SLC27A4: variants seen among roughly 807,000 people sequenced by gnomAD.
SLC27A4 encodes the protein long-chain fatty acid transport protein 4.
SLC27A4 carries 33 observed loss-of-function variants against 64.4 expected under a neutral mutation model. The observed-to-expected ratio is 0.51, with a 90% confidence interval of 0.39 to 0.68. SLC27A4 has a LOEUF of 0.68. SLC27A4 is among the 30% of genes least tolerant of loss of function. The probability of loss-of-function intolerance (pLI) is 0.00; values close to 1 mark genes in which losing one functional copy is unlikely to be tolerated. For synonymous variants in SLC27A4, 377 were observed against 370.0 expected (o/e 1.02, Z -0.22); for missense variants, 824 against 883.5 (o/e 0.93, Z 0.85).
intron 7 of SLC27A4, 102 bp downstream of exon 7, chr9:128,352,849 C>T (rs1404467236): frequency 1.8e-6 from 2 of 1,099,808 alleles, no homozygotes; most frequent in Non-Finnish European, 2.7e-6. Flanking sequence ...GCCAGTCATT[C>T]CAAAGGGCTC....
rs1832763629 is a variant in SLC27A4 at position 128,353,202 on chromosome 9, T to C, written c.1165T>C (p.Cys389Arg). ...QVAEFYGATE[C>R]NCSLGNFDSQ... ...GGCTGAGTTCTACGGGGCCACAGAG[T>C]GCAACTGTAGCCTGGGCAACTTCGA... The change falls in exon 8 of 13, where the codon TGC (cysteine) becomes CGC (arginine). Residue 389 changes from cysteine (C) to arginine (R), a missense_variant. Physicochemically the swap from Cys to Arg is radical, Grantham distance 180. Transcript: ENST00000300456. This position sits in a 1 kb window ranked among gnomAD's most constrained non-coding sequence, Gnocchi z 4.9. 1 of 1,613,820 alleles carries C rather than the reference T, an allele frequency of 6.2e-7. No individual in the cohort carries two copies. The highest frequency in any genetic ancestry group is 8.5e-7 in the Non-Finnish European group (1 of 1,180,020).
chr9:128,342,559 G>T (rs1322082976), intron 1 of SLC27A4: 8 of 635,404 alleles, frequency 1.3e-5, no homozygotes, highest in Non-Finnish European at 2.2e-5. Context: ...TATCTGGCTG[G>T]CAGGGAAGGA....
chr9:128,360,380 C>G lies in SLC27A4; in HGVS notation c.1821C>G (p.Asp607Glu). 6.2e-7 allele frequency: 1 copy of G among 1,614,178 alleles called. No individual in the cohort carries two copies. The highest frequency in any genetic ancestry group is 8.5e-7 in the Non-Finnish European group (1 of 1,180,046). ...QKTELRKEGF[D>E]PAIVKDPLFY... Reference sequence around the variant, plus strand: ...CAGAGCTACGGAAGGAGGGCTTTGACCCGGCTATTGTGAAAGACCCGCTGT... The same window carrying G: ...CAGAGCTACGGAAGGAGGGCTTTGAGCCGGCTATTGTGAAAGACCCGCTGT... The change falls in exon 13 of 13, where the codon GAC (aspartate) becomes GAG (glutamate). Residue 607 changes from aspartate (D) to glutamate (E), a missense_variant. Coordinates refer to ENST00000300456, the MANE Select transcript of SLC27A4 (RefSeq NM_005094.4).
chr9:128,350,064 G>A (rs975550105), intron 4 of SLC27A4, among the ~76,000 whole-genome samples: 3 of 152,344 alleles, frequency 2.0e-5, no homozygotes, highest in Non-Finnish European at 2.9e-5. Context: ...GGCCAGGCCC[G>A]TGCCCATCTT....
At position 128,353,301 on chromosome 9, in the gene SLC27A4, G is replaced by A; in HGVS notation, c.1197+67G>A. On this transcript the variant is annotated intron_variant, in intron 8 of 12. Transcript: ENST00000300456. This position sits in a 1 kb window ranked among gnomAD's most constrained non-coding sequence, Gnocchi z 4.9. ...GCCCACAGAAGGCACTGGATGCAGAGGGGAGGGCAGAGTTCGAGCGTGAGA... is the reference window on the plus strand; with the variant it reads ...GCCCACAGAAGGCACTGGATGCAGAAGGGAGGGCAGAGTTCGAGCGTGAGA... 1 of 1,608,234 alleles carries A rather than the reference G, an allele frequency of 6.2e-7. No homozygotes were observed. The highest frequency in any genetic ancestry group is 8.5e-7 in the Non-Finnish European group (1 of 1,175,636).
Position 128,355,185 on chromosome 9 carries a change from T to G in SLC27A4, c.1457T>G (p.Leu486Arg). Residue 486 changes from leucine (L) to arginine (R), a missense_variant, in exon 10 of 13, where the codon CTT becomes CGT. Coordinates refer to ENST00000300456, the MANE Select transcript of SLC27A4 (RefSeq NM_005094.4). Reference sequence around the variant, plus strand: ...TTCAAGAAGGGGGACCAGGCCTACCTTACTGGTGGGTCCCCAGCCCTTCAC... The same window carrying G: ...TTCAAGAAGGGGGACCAGGCCTACCGTACTGGTGGGTCCCCAGCCCTTCAC... The part of the protein sequence containing the change: ...DVFKKGDQAY[L>R]TGDVLVMDEL... 4 of 1,613,550 alleles carry G rather than the reference T, an allele frequency of 2.5e-6. No individual in the cohort carries two copies. Among genetic ancestry groups the G allele is most frequent in the Non-Finnish European group, 3.4e-6 (4 of 1,179,812 alleles).
At chr9:128,342,685 A>G (rs1196616151) in intron 1 of SLC27A4, 1 of 266,884 alleles carries the variant, frequency 3.7e-6, no homozygotes, top group South Asian at 4.7e-5. Flanking sequence ...TCAGAGTGCC[A>G]TTTTTTTTTT....
At position 128,353,524 on chromosome 9, in the gene SLC27A4, G is replaced by T. The variant is rs752141064; in HGVS notation, c.1307G>T (p.Cys436Phe). The change falls in exon 9 of 13, where the codon TGC becomes TTC. Residue 436 changes from cysteine to phenylalanine, a missense_variant. Cys to Phe is a radical substitution (Grantham distance 205, BLOSUM62 -2). Transcript: ENST00000300456. The surrounding 1 kb of genome is among the most constrained non-coding windows in gnomAD (Gnocchi z 4.9). The part of the protein sequence containing the change: ...MELIRGPDGV[C>F]IPCQPGEPGQ... ...CTGATCCGGGGGCCCGACGGCGTCT[G>T]CATTCCCTGCCAGCCAGGTCTGCCA... is the stretch of plus-strand genomic sequence containing the variant. 2.5e-6 allele frequency: 4 copies of T among 1,614,034 alleles called. No homozygotes were observed. The South Asian group carries it at 4.4e-5, about 18-fold the overall frequency.
At chr9:128,341,739 C>CT (rs962246168) in intron 1 of SLC27A4, among the ~76,000 whole-genome samples, 9 of 151,782 alleles carry the variant, frequency 5.9e-5, no homozygotes, top group African/African-American at 1.7e-4. Flanking sequence ...GAGCCAGAGA[C>CT]TTTTTTTTTC....
chr9:128,347,568 A>T (rs544506992), intron 3 of SLC27A4, among the ~76,000 whole-genome samples: 8 of 151,956 alleles, frequency 5.3e-5, no homozygotes, highest in African/African-American at 1.9e-4. Flanking sequence ...TTTTACTAAA[A>T]ATACAAAAAT....
At chr9:128,349,873 T>C (rs1320985117) in intron 4 of SLC27A4, among the ~76,000 whole-genome samples, 1 of 152,214 alleles carries the variant, frequency 6.6e-6, no homozygotes, top group Non-Finnish European at 1.5e-5. Context: ...CTCTATGACT[T>C]GGGGCAGGTG....
chr9:128,360,252 C>G, intron 12 of SLC27A4, 82 bp from the exon 13 acceptor site: 1 of 1,501,894 alleles, frequency 6.7e-7, no homozygotes, highest in South Asian at 1.1e-5. Flanking sequence ...GCCCTGCTCC[C>G]TGCCTTCCTC....
chr9:128,345,043 G>T lies in SLC27A4; in HGVS notation c.162-112G>T. 7.7e-7 allele frequency: 1 copy of T among 1,295,390 alleles called. No homozygotes were observed. Among genetic ancestry groups the T allele is most frequent in the East Asian group, 2.4e-5 (1 of 41,926 alleles). 80.2% of individuals were successfully genotyped at this position (1,295,390 alleles called of 1,614,324 possible). A position where few individuals can be genotyped will look rare whatever the true frequency, so the allele number is the denominator to read the frequency against. On this transcript the variant is annotated intron_variant, in intron 2 of 12. Coordinates refer to ENST00000300456, the MANE Select transcript of SLC27A4 (RefSeq NM_005094.4). The surrounding 1 kb of genome is among the most constrained non-coding windows in gnomAD (Gnocchi z 4.1). ...GGAGCCAGGAGATAGAAGTGTTGTAGGGGGTCTGGCTCATGAAGCATAGGC... is the reference window on the plus strand; with the variant it reads ...GGAGCCAGGAGATAGAAGTGTTGTATGGGGTCTGGCTCATGAAGCATAGGC...
chr9:128,353,371 G>A lies in SLC27A4; in HGVS notation c.1198-44G>A, dbSNP rs1564402262. The A allele has an allele frequency of 6.2e-7, 1 of 1,614,062 alleles. No individual in the cohort carries two copies. The highest frequency in any genetic ancestry group is 8.5e-7 in the Non-Finnish European group (1 of 1,180,022). On this transcript the variant is annotated intron_variant, in intron 8 of 12. Coordinates refer to ENST00000300456, the MANE Select transcript of SLC27A4 (RefSeq NM_005094.4). The surrounding 1 kb of genome is among the most constrained non-coding windows in gnomAD (Gnocchi z 4.9). ...ACTTCCCCCTCATTGTCCAGTTTTG[G>A]GCCCATGGTGAGAGAGCCCAGGCCC...
rs200058177 is a variant in SLC27A4 at position 128,348,695 on chromosome 9, G to C, written c.707G>C (p.Gly236Ala). Residue 236 changes from glycine to alanine, a missense_variant, in exon 4 of 13, where the codon GGC becomes GCC. Coordinates refer to ENST00000300456, the MANE Select transcript of SLC27A4 (RefSeq NM_005094.4). ...CACCTTCCCAGTTGCCCTGACAAGG[G>C]CTTCACAGGTGGGCTCCATCCCCTC... ...PKHLPSCPDK[G>A]FTDKLFYIYT... 6.2e-7 allele frequency: 1 copy of C among 1,613,956 alleles called. No individual in the cohort carries two copies. Among genetic ancestry groups the C allele is most frequent in the East Asian group, 2.2e-5 (1 of 44,886 alleles).
At chr9:128,357,232 A>G (rs1168653514) in intron 12 of SLC27A4, among the ~76,000 whole-genome samples, 1 of 147,304 alleles carries the variant, frequency 6.8e-6, no homozygotes, top group South Asian at 2.2e-4. Flanking sequence ...ACTGCACTCC[A>G]GCCTGGGAGA....
At position 128,340,794 on chromosome 9, in the gene SLC27A4, C is replaced by T. The variant is rs1227734597; in HGVS notation, c.-51C>T. 3 of 687,376 alleles carry T rather than the reference C, an allele frequency of 4.4e-6. No homozygotes were observed. Among genetic ancestry groups the T allele is most frequent in the East Asian group, 2.9e-5 (1 of 34,418 alleles). The allele number at this position is 687,376 out of a possible 1,614,324, so 42.6% of individuals were successfully genotyped here. On this transcript the variant is annotated 5_prime_UTR_variant, in exon 1 of 13. Coordinates refer to ENST00000300456, the MANE Select transcript of SLC27A4 (RefSeq NM_005094.4). ...CTCACGCTGTCTACGCTGCTGCAAC[C>T]GGGCCGCATCTGGACGGGGCGCCGC... is the stretch of plus-strand genomic sequence containing the variant.
intron 7 of SLC27A4, 39 bp from the exon 8 acceptor site, chr9:128,352,986 A>G (rs1303339368): frequency 3.2e-6 from 5 of 1,548,702 alleles, no homozygotes; most frequent in Non-Finnish European, 4.4e-6. Context: ...TAGTGAGGGC[A>G]GCCTCTGGAG....
At chr9:128,358,899 G>A (rs189985654) in intron 12 of SLC27A4, among the ~76,000 whole-genome samples, 30 of 152,348 alleles carry the variant, frequency 2.0e-4, no homozygotes, top group African/African-American at 7.0e-4. Flanking sequence ...GCAGGTAGAG[G>A]TGGAAGATGC....
Sources: allele counts gnomAD v4.1 joint callset (sites outside exome capture counted in the v4.1 genomes callset), GRCh38; gene constraint gnomAD v4.1.1; non-coding constraint Gnocchi (gnomAD v3.1); transcripts MANE v1.5; gene names NCBI Gene and HGNC (gene_info 2026-07-23, HGNC 2026-07-21).